CGNL1: variants seen among roughly 807,000 people sequenced by gnomAD.
The protein encoded by CGNL1 is cingulin-like protein 1.
In CGNL1, 132 loss-of-function variants were observed where a neutral mutation model predicts 141.2. The ratio of observed to expected loss-of-function variants is 0.93; its 90% CI spans 0.81 to 1.08. The LOEUF is 1.08. Ranked by LOEUF, CGNL1 falls within the 50% of genes least tolerant of loss-of-function variation. The pLI, the probability that CGNL1 is intolerant of heterozygous loss-of-function variation, is 0.00. For synonymous variants in CGNL1, 690 were observed against 622.1 expected, an observed-to-expected ratio of 1.11 and a Z score of -1.63; for missense variants, 1,870 against 1,588.6, an observed-to-expected ratio of 1.18 and a Z score of -3.01.
chr15:57,419,833 G>A (rs949616723), intron 1 of CGNL1, among the ~76,000 whole-genome samples: 2 of 152,178 alleles, frequency 1.3e-5, no homozygotes, highest in Admixed American at 1.3e-4. Flanking sequence ...AAGTCACTAT[G>A]TGCAGCCCAC....
At chr15:57,395,621 G>T in intron 1 of CGNL1, among the ~76,000 whole-genome samples, 1 of 152,362 alleles carries the variant, frequency 6.6e-6, no homozygotes, top group South Asian at 2.1e-4. Flanking sequence ...AGTAAGACAT[G>T]AGTAGAACTT....
Position 57,439,584 on chromosome 15 carries a change from T to C in CGNL1, c.1585T>C (p.Ser529Pro), listed in dbSNP as rs768861679. 6.2e-7 allele frequency: 1 copy of C among 1,613,372 alleles called. No homozygotes were observed. The highest frequency in any genetic ancestry group is 8.5e-7 in the Non-Finnish European group (1 of 1,179,982). The change falls in exon 2 of 19, where the codon TCG becomes CCG. Residue 529 changes from serine to proline, a missense_variant. Coordinates refer to ENST00000281282, the MANE Select transcript of CGNL1 (RefSeq NM_032866.5). ...GAAAATTTCCGTGAAGACATTTCCT[T>C]CGGCCTCAAATACTCAGGTAACACT... ...AKKISVKTFP[S>P]ASNTQATPDL...
intron 8 of CGNL1, among the ~76,000 whole-genome samples, chr15:57,496,542 G>A (rs79413113): frequency 0.12 from 19,010 of 152,178 alleles, 1,514 homozygotes; most frequent in Admixed American, 0.2. Flanking sequence ...TGGAAAAATT[G>A]TCTTCCCCGA....
rs542063052 is a variant in CGNL1, at chr15:57,473,544, G to T, written c.2403+11652G>T. On this transcript the variant is annotated intron_variant, in intron 8 of 18. Transcript: ENST00000281282. ...TATAGTCCCTTCCCATGTCGAAAAG[G>T]TCTGATTTGTGTAACTAATAGGATA... Among the ~76,000 whole-genome samples, 67 of 152,258 alleles carry T rather than the reference G, an allele frequency of 4.4e-4. No homozygotes were observed. The Middle Eastern group carries it at 0.014, about 31-fold the overall frequency.
chr15:57,506,754 G>A (rs1178211963), intron 8 of CGNL1, among the ~76,000 whole-genome samples: 3 of 152,186 alleles, frequency 2.0e-5, no homozygotes, highest in African/African-American at 7.2e-5. Context: ...ATGTATTGTG[G>A]TCATTGACTG....
chr15:57,528,272 A>G (rs1382976674), intron 12 of CGNL1, among the ~76,000 whole-genome samples: 1 of 152,124 alleles, frequency 6.6e-6, no homozygotes. Context: ...AAAAAGACAA[A>G]AAAAAACTAT....
At chr15:57,446,538 G>A (rs1298503523) in intron 4 of CGNL1, among the ~76,000 whole-genome samples, 1 of 151,898 alleles carries the variant, frequency 6.6e-6, no homozygotes, top group Admixed American at 6.6e-5. Context: ...ATTCATTAAT[G>A]TTGCATATAC....
chr15:57,399,580 G>A (rs1467368490), intron 1 of CGNL1, among the ~76,000 whole-genome samples: 1 of 150,142 alleles, frequency 6.7e-6, no homozygotes, highest in Non-Finnish European at 1.5e-5. Flanking sequence ...TTCTGTATGC[G>A]GAAAATAGGA....
chr15:57,455,648 T>A (rs1308743215), intron 7 of CGNL1, among the ~76,000 whole-genome samples: 6 of 152,212 alleles, frequency 3.9e-5, no homozygotes, highest in African/African-American at 1.4e-4. Context: ...GAATAAATAA[T>A]TTTTCGTATT....
At chr15:57,409,037 T>TCACGCACA in intron 1 of CGNL1, among the ~76,000 whole-genome samples, 1 of 141,736 alleles carries the variant, frequency 7.1e-6, no homozygotes, top group East Asian at 2.2e-4. Flanking sequence ...TGAGACTCTG[T>TCACGCACA]CACACACACA....
chr15:57,456,545 G>A (rs2152327690), intron 7 of CGNL1, among the ~76,000 whole-genome samples: 2 of 148,546 alleles, frequency 1.3e-5, no homozygotes, highest in Middle Eastern at 7.1e-3. Flanking sequence ...AGAAATAGTA[G>A]AAAACACTTT....
intron 1 of CGNL1, among the ~76,000 whole-genome samples, chr15:57,378,824 A>G (rs1484792755): frequency 1.3e-5 from 2 of 152,112 alleles, no homozygotes; most frequent in African/African-American, 4.8e-5. Context: ...AATTTTGCCC[A>G]CTTGGTTTTC....
rs1450473508 is a variant in CGNL1 at position 57,544,521 on chromosome 15, T to G, written c.3424T>G (p.Ser1142Ala). 6.2e-7 allele frequency: 1 copy of G among 1,613,212 alleles called. No individual in the cohort carries two copies. The change falls in exon 16 of 19, where the codon TCC becomes GCC. Residue 1142 changes from serine to alanine, a missense_variant. Transcript: ENST00000281282. ...TATCCACCTGGAAGGTTCCTACAGGTCCAGCAAAGAGGGGCTGGTTGTGCA... is the reference window on the plus strand; with the variant it reads ...TATCCACCTGGAAGGTTCCTACAGGGCCAGCAAAGAGGGGCTGGTTGTGCA... ...RIIHLEGSYR[S>A]SKEGLVVQME... is the part of the protein sequence containing the mutation.
At chr15:57,491,206 G>A (rs910099915) in intron 8 of CGNL1, among the ~76,000 whole-genome samples, 8 of 152,318 alleles carry the variant, frequency 5.3e-5, no homozygotes, top group Non-Finnish European at 8.8e-5. Flanking sequence ...AGTAACAGGG[G>A]AAGCCGAGTG....
chr15:57,471,812 A>G (rs958312533), intron 8 of CGNL1, among the ~76,000 whole-genome samples: 2 of 152,242 alleles, frequency 1.3e-5, no homozygotes, highest in Non-Finnish European at 1.5e-5. Flanking sequence ...CCATCCAATA[A>G]ATAGTTCATT....
At position 57,534,291 on chromosome 15, in the gene CGNL1, A is replaced by T. The variant is rs1391644356; in HGVS notation, c.3291+2512A>T. ...GGGAGGGTATAGCCTGGTGTTTGTT[A>T]TAAGTGGAGAAATTGAGCACATTCA... is the stretch of plus-strand genomic sequence containing the variant. On this transcript the variant is annotated intron_variant, in intron 14 of 18. Coordinates refer to ENST00000281282, the MANE Select transcript of CGNL1 (RefSeq NM_032866.5). 2.0e-5 allele frequency among the ~76,000 whole-genome samples: 3 copies of T among 152,238 alleles called. No homozygotes were observed. The South Asian group carries it at 6.2e-4, about 32-fold the overall frequency.
intron 8 of CGNL1, among the ~76,000 whole-genome samples, chr15:57,490,670 C>T (rs1433909189): frequency 6.6e-6 from 1 of 152,144 alleles, no homozygotes; most frequent in Non-Finnish European, 1.5e-5. Context: ...TAGGTAGGGG[C>T]TCACACCCCA....
chr15:57,416,623 A>G (rs1419157866), intron 1 of CGNL1, among the ~76,000 whole-genome samples: 1 of 152,156 alleles, frequency 6.6e-6, no homozygotes, highest in African/African-American at 2.4e-5. Context: ...CTCAGAAGGC[A>G]CTTGGTATCA....
At chr15:57,468,321 A>C (rs1440533035) in intron 8 of CGNL1, among the ~76,000 whole-genome samples, 8 of 130,392 alleles carry the variant, frequency 6.1e-5, no homozygotes, top group South Asian at 4.7e-4. Context: ...GCTCACTTCA[A>C]CCTCCGCCTC....
Sources: gnomAD v4.1 joint callset for allele counts (sites outside exome capture counted in the v4.1 genomes callset) on GRCh38, gnomAD v4.1.1 for gene constraint, MANE v1.5 for transcripts, NCBI Gene and HGNC (gene_info 2026-07-23, HGNC 2026-07-21) for gene names.